Variants in CADM2 observed in about 807,000 individuals in gnomAD.
The protein encoded by CADM2 is immunoglobulin superfamily member 4D.
In CADM2, 12 loss-of-function variants were observed where a neutral mutation model predicts 49.8. The observed-to-expected ratio is 0.24, with a 90% CI of 0.15 to 0.39. The LOEUF is 0.39. Ranked by LOEUF, CADM2 falls within the 10% of genes least tolerant of loss-of-function variation. The pLI is 1.00. For synonymous variants in CADM2, 214 were observed against 175.4 expected, an observed-to-expected ratio of 1.22 and a Z score of -1.74; for missense variants, 378 against 492.3, an observed-to-expected ratio of 0.77 and a Z score of 2.20.
chr3:86,065,944 G>A (rs973005958), intron 9 of CADM2, among the ~76,000 whole-genome samples: 7 of 152,114 alleles, frequency 4.6e-5, no homozygotes, highest in African/African-American at 1.4e-4. Context: ...ATGGCCAGAT[G>A]TCATAGAGTA....
At chr3:85,872,517 G>T (rs2075968442) in intron 3 of CADM2, among the ~76,000 whole-genome samples, 1 of 150,900 alleles carries the variant, frequency 6.6e-6, no homozygotes, top group Non-Finnish European at 1.5e-5. Flanking sequence ...ATTTATAAAA[G>T]ATGTTTATCA....
intron 1 of CADM2, among the ~76,000 whole-genome samples, chr3:85,090,121 A>G (rs2037539126): frequency 6.6e-6 from 1 of 152,156 alleles, no homozygotes; most frequent in African/African-American, 2.4e-5. Context: ...AAAAAGGCGT[A>G]TTTTGAACAT....
At chr3:85,676,492 A>T (rs926667770) in intron 1 of CADM2, among the ~76,000 whole-genome samples, 5 of 152,130 alleles carry the variant, frequency 3.3e-5, no homozygotes, top group African/African-American at 9.7e-5. Context: ...TTACCTGCTT[A>T]TTAAAAGCAT....
intron 1 of CADM2, among the ~76,000 whole-genome samples, chr3:85,290,415 C>T (rs1330271371): frequency 1.3e-5 from 2 of 152,218 alleles, no homozygotes; most frequent in Non-Finnish European, 2.9e-5. Flanking sequence ...AGCCTGGAAG[C>T]TCCAACTGGG....
intron 2 of CADM2, among the ~76,000 whole-genome samples, chr3:85,752,775 G>C (rs199533173): frequency 6.6e-6 from 1 of 151,840 alleles, no homozygotes; most frequent in East Asian, 1.9e-4. Flanking sequence ...AAATACAAAA[G>C]TTTCAACACA....
intron 8 of CADM2, among the ~76,000 whole-genome samples, chr3:86,033,703 T>A (rs1043032230): frequency 7.0e-6 from 1 of 142,754 alleles, no homozygotes; most frequent in Middle Eastern, 3.6e-3. Flanking sequence ...GTTATTTGTT[T>A]TATATATATA....
intron 1 of CADM2, among the ~76,000 whole-genome samples, chr3:85,346,941 A>G (rs893069646): frequency 5.9e-5 from 9 of 152,230 alleles, no homozygotes; most frequent in Non-Finnish European, 1.0e-4. Context: ...TAGTATATAA[A>G]CTACAAGTAA....
chr3:85,093,984 GAATCTCT>G (rs1440329604), intron 1 of CADM2, among the ~76,000 whole-genome samples: 1 of 152,060 alleles, frequency 6.6e-6, no homozygotes, highest in Non-Finnish European at 1.5e-5. Flanking sequence ...TTCCTGAGAT[GAATCTCT>G]AAGTGATATC....
Position 85,463,536 on chromosome 3 carries a change from T to C in CADM2, c.62-262986T>C, listed in dbSNP as rs116988528. On this transcript the variant is annotated intron_variant, in intron 1 of 9. Coordinates refer to ENST00000383699, the MANE Select transcript of CADM2 (RefSeq NM_001167675.2). Reference sequence around the variant, plus strand: ...CCTCAGTGAATTCATATTATCTTAGTGTCCTATATTTTTAAATAAAAGGGA... The same window carrying C: ...CCTCAGTGAATTCATATTATCTTAGCGTCCTATATTTTTAAATAAAAGGGA... Among the ~76,000 whole-genome samples, 79 of 152,270 alleles carry C rather than the reference T, an allele frequency of 5.2e-4. 1 individual carries two copies. In the East Asian group the frequency reaches 0.015, roughly 29 times the overall value.
chr3:85,506,748 T>C (rs2040372041), intron 1 of CADM2, among the ~76,000 whole-genome samples: 1 of 152,130 alleles, frequency 6.6e-6, no homozygotes, highest in South Asian at 2.1e-4. Context: ...TTTGGATTCA[T>C]GTTAATTCTT....
intron 1 of CADM2, among the ~76,000 whole-genome samples, chr3:85,158,793 T>C (rs1321926223): frequency 6.6e-6 from 1 of 152,110 alleles, no homozygotes; most frequent in Non-Finnish European, 1.5e-5. Flanking sequence ...TATACATATG[T>C]AACTAACTTG....
At chr3:85,750,459 G>A (rs1178620504) in intron 2 of CADM2, among the ~76,000 whole-genome samples, 1 of 152,026 alleles carries the variant, frequency 6.6e-6, no homozygotes, top group Non-Finnish European at 1.5e-5. Flanking sequence ...CTTGTTCCTT[G>A]TCATATTGGA....
chr3:85,960,731 A>G (rs1342235086), intron 7 of CADM2, among the ~76,000 whole-genome samples: 1 of 151,762 alleles, frequency 6.6e-6, no homozygotes, highest in Non-Finnish European at 1.5e-5. Context: ...CTAAAAGCAT[A>G]TTTTGAGATA....
Position 85,847,729 on chromosome 3 carries a change from A to G in CADM2, c.239-35562A>G, listed in dbSNP as rs562319182. 2.7e-4 allele frequency among the ~76,000 whole-genome samples: 41 copies of G among 152,288 alleles called. 1 individual carries two copies. Among genetic ancestry groups the G allele is most frequent in the South Asian group, 4.1e-4 (2 of 4,830 alleles). On this transcript the variant is annotated intron_variant, in intron 3 of 9. Coordinates refer to ENST00000383699, the MANE Select transcript of CADM2 (RefSeq NM_001167675.2). Reference sequence around the variant, plus strand: ...AGGCTTCTATCATATTGTTGACATTAAAGAAAGCCAGAATCCCTTAAAAGG... The same window carrying G: ...AGGCTTCTATCATATTGTTGACATTGAAGAAAGCCAGAATCCCTTAAAAGG...
intron 3 of CADM2, among the ~76,000 whole-genome samples, chr3:85,882,252 G>A (rs760401475): frequency 1.3e-5 from 2 of 151,266 alleles, no homozygotes; most frequent in Non-Finnish European, 2.9e-5. Flanking sequence ...GAAGTCTTAG[G>A]CATCCTAGAA....
At chr3:86,065,462 C>T in intron 8 of CADM2, 143 bp from the exon 9 acceptor site, 1 of 734,974 alleles carries the variant, frequency 1.4e-6, no homozygotes, top group East Asian at 2.9e-5. Flanking sequence ...TATATTTGTT[C>T]ACAGGATGAC....
At chr3:85,484,796 C>A (rs1267992368) in intron 1 of CADM2, among the ~76,000 whole-genome samples, 1 of 151,940 alleles carries the variant, frequency 6.6e-6, no homozygotes, top group South Asian at 2.1e-4. Flanking sequence ...GATGGTTTAT[C>A]AAATCATATT....
intron 1 of CADM2, among the ~76,000 whole-genome samples, chr3:85,628,240 A>G (rs183657649): frequency 6.6e-6 from 1 of 152,122 alleles, no homozygotes; most frequent in Admixed American, 6.6e-5. Flanking sequence ...CTGCTTTAGG[A>G]GTACCTGATG....
intron 1 of CADM2, among the ~76,000 whole-genome samples, chr3:85,102,871 G>A (rs74762511): frequency 2.6e-5 from 4 of 152,078 alleles, no homozygotes; most frequent in African/African-American, 7.2e-5. Flanking sequence ...GAAGGAAAGG[G>A]CACTCATAAA....
Sources: gnomAD v4.1 joint callset for allele counts (sites outside exome capture counted in the v4.1 genomes callset) on GRCh38, gnomAD v4.1.1 for gene constraint, MANE v1.5 for transcripts, NCBI Gene and HGNC (gene_info 2026-07-23, HGNC 2026-07-21) for gene names.